Variants in DLGAP2 observed in about 807,000 individuals in gnomAD.
The protein encoded by DLGAP2 is disks large-associated protein 2.
DLGAP2 carries 26 observed loss-of-function variants against 100.3 expected under a neutral mutation model. The ratio of observed to expected loss-of-function variants is 0.26; its 90% CI spans 0.19 to 0.36. DLGAP2 has a LOEUF of 0.36. Ranked by LOEUF, DLGAP2 falls within the 10% of genes least tolerant of loss-of-function variation. DLGAP2 has a pLI of 1.00. For synonymous variants in DLGAP2, 886 were observed against 630.1 expected (o/e 1.41, Z -6.08); for missense variants, 1,858 against 1,453.2 (o/e 1.28, Z -4.53).
chr8:1,614,543 T>C (rs1224835164), intron 6 of DLGAP2, among the ~76,000 whole-genome samples: 1 of 152,166 alleles, frequency 6.6e-6, no homozygotes, highest in Non-Finnish European at 1.5e-5. Flanking sequence ...AAAACATGAC[T>C]TACCGGACGA....
intron 10 of DLGAP2, among the ~76,000 whole-genome samples, chr8:1,673,960 G>A (rs750992381): frequency 2.0e-5 from 3 of 152,144 alleles, no homozygotes; most frequent in Non-Finnish European, 2.9e-5. Flanking sequence ...CTCTATGCTT[G>A]TGCATGCCCC....
chr8:1,492,806 G>A (rs546970889), intron 3 of DLGAP2, among the ~76,000 whole-genome samples: 1 of 152,172 alleles, frequency 6.6e-6, no homozygotes, highest in African/African-American at 2.4e-5. Context: ...GGCCAATAAG[G>A]AGAAGGGCTG....
rs141736908 is a variant in DLGAP2 at position 1,131,350 on chromosome 8, G to C, written c.74-127501G>C. Among the ~76,000 whole-genome samples the C allele has an allele frequency of 1.4e-4, 22 of 152,254 alleles. No homozygotes were observed. The East Asian group carries it at 4.3e-3, about 30-fold the overall frequency. ...TCATGTATCTGTTCTGGATACTCCA[G>C]ATCCACGTGCCGGCAGGTGGGGTTC... On this transcript the variant is annotated intron_variant, in intron 2 of 14. Transcript: ENST00000637795.
chr8:865,599 C>G (rs994725518), intron 1 of DLGAP2, among the ~76,000 whole-genome samples: 1 of 152,214 alleles, frequency 6.6e-6, no homozygotes, highest in African/African-American at 2.4e-5. Flanking sequence ...TCACCTCTCT[C>G]CAGCATATGC....
At chr8:1,474,377 C>T (rs1428450086) in intron 3 of DLGAP2, among the ~76,000 whole-genome samples, 1 of 152,108 alleles carries the variant, frequency 6.6e-6, no homozygotes, top group Non-Finnish European at 1.5e-5. Context: ...CGACTTCTTT[C>T]CCTCTGGGTA....
At chr8:1,353,148 C>T (rs1585291150) in intron 3 of DLGAP2, among the ~76,000 whole-genome samples, 2 of 152,110 alleles carry the variant, frequency 1.3e-5, no homozygotes, top group East Asian at 1.9e-4. Flanking sequence ...CATTTGCTTC[C>T]CACACCCACG....
chr8:830,934 C>T (rs1796770366), intron 1 of DLGAP2, among the ~76,000 whole-genome samples: 2 of 147,470 alleles, frequency 1.4e-5, no homozygotes, highest in Non-Finnish European at 1.5e-5. Flanking sequence ...CTTGTTCTGT[C>T]ACCCAGGCTG....
chr8:1,528,144 C>A (rs1028151786), intron 4 of DLGAP2, among the ~76,000 whole-genome samples: 1 of 152,210 alleles, frequency 6.6e-6, no homozygotes, highest in Non-Finnish European at 1.5e-5. Flanking sequence ...TCGGACGCAG[C>A]GATACCTTTG....
At chr8:1,334,332 C>G (rs181218047) in intron 3 of DLGAP2, among the ~76,000 whole-genome samples, 1 of 152,334 alleles carries the variant, frequency 6.6e-6, no homozygotes, top group East Asian at 1.9e-4. Context: ...CCCAGCGTTC[C>G]TGGCGTCGGC....
At chr8:1,069,509 T>G (rs1283779957) in intron 2 of DLGAP2, among the ~76,000 whole-genome samples, 2 of 152,192 alleles carry the variant, frequency 1.3e-5, no homozygotes, top group African/African-American at 2.4e-5. Flanking sequence ...TTTGCTTTTT[T>G]GAGATAACGG....
At chr8:957,597 G>A (rs901940732) in intron 2 of DLGAP2, among the ~76,000 whole-genome samples, 2 of 152,054 alleles carry the variant, frequency 1.3e-5, no homozygotes, top group Non-Finnish European at 2.9e-5. Flanking sequence ...TATTTCAGAG[G>A]GATACGTTGT....
intron 2 of DLGAP2, among the ~76,000 whole-genome samples, chr8:1,205,241 G>C (rs1295984648): frequency 6.6e-6 from 1 of 152,180 alleles, no homozygotes; most frequent in African/African-American, 2.4e-5. Flanking sequence ...CTCTGCCTCA[G>C]TAAAGTGATA....
intron 6 of DLGAP2, among the ~76,000 whole-genome samples, chr8:1,595,925 G>C (rs1224127037): frequency 6.6e-6 from 1 of 151,556 alleles, no homozygotes; most frequent in East Asian, 1.9e-4. Flanking sequence ...ACAACGGGCA[G>C]GTTTGTTACA....
intron 3 of DLGAP2, among the ~76,000 whole-genome samples, chr8:1,314,543 C>T (rs984157571): frequency 2.0e-5 from 3 of 152,200 alleles, no homozygotes; most frequent in Admixed American, 2.0e-4. Flanking sequence ...CCGAGTTACC[C>T]TCCAGCCACC....
Position 1,585,492 on chromosome 8 carries a change from G to A in DLGAP2, c.1442+19598G>A, listed in dbSNP as rs145451856. Among the ~76,000 whole-genome samples the A allele has an allele frequency of 2.5e-3, 382 of 152,314 alleles. 3 individuals are homozygous for A. Among genetic ancestry groups the A allele is most frequent in the Non-Finnish European group, 4.1e-3 (281 of 68,018 alleles). ...TACTCCTTAGGGCTGTCAGTTCAGGGGGCTGTAGTGAGTGCTGTCTTTTAC... is the reference window on the plus strand; with the variant it reads ...TACTCCTTAGGGCTGTCAGTTCAGGAGGCTGTAGTGAGTGCTGTCTTTTAC... On this transcript the variant is annotated intron_variant, in intron 6 of 14. Transcript: ENST00000637795.
intron 2 of DLGAP2, among the ~76,000 whole-genome samples, chr8:1,154,894 G>A (rs1443838404): frequency 1.3e-5 from 2 of 152,216 alleles, no homozygotes; most frequent in Non-Finnish European, 2.9e-5. Flanking sequence ...CTACCTGGAC[G>A]CGCAGTGTCC....
Position 1,588,942 on chromosome 8 carries a change from C to G in DLGAP2, c.1442+23048C>G, listed in dbSNP as rs1024071663. 3.9e-5 allele frequency among the ~76,000 whole-genome samples: 6 copies of G among 152,046 alleles called. No individual in the cohort carries two copies. In the East Asian group the frequency reaches 7.7e-4, roughly 20 times the overall value. On this transcript the variant is annotated intron_variant, in intron 6 of 14. Transcript: ENST00000637795. ...ATCTCAAGTTTGGAGGGAAATCTGCCTTACTCAAAATCTGCCAATGTGAGC... is the reference window on the plus strand; with the variant it reads ...ATCTCAAGTTTGGAGGGAAATCTGCGTTACTCAAAATCTGCCAATGTGAGC...
Position 1,270,507 on chromosome 8 carries a change from G to A in DLGAP2, c.106+11624G>A, listed in dbSNP as rs530296950. Among the ~76,000 whole-genome samples, 57 of 152,162 alleles carry A rather than the reference G, an allele frequency of 3.7e-4. 1 individual carries two copies. The highest frequency in any genetic ancestry group is 3.7e-3 in the Admixed American group (57 of 15,280). On this transcript the variant is annotated intron_variant, in intron 3 of 14. Transcript: ENST00000637795. Reference sequence around the variant, plus strand: ...AAGATTGACTTTCCTCAGGAGAAATGCAGGCTCTAAGCCCAGCGGACAGAG... The same window carrying A: ...AAGATTGACTTTCCTCAGGAGAAATACAGGCTCTAAGCCCAGCGGACAGAG...
At chr8:1,199,572 A>G (rs1407358870) in intron 2 of DLGAP2, among the ~76,000 whole-genome samples, 4 of 152,316 alleles carry the variant, frequency 2.6e-5, no homozygotes, top group Non-Finnish European at 5.9e-5. Flanking sequence ...GGCTTCAGAA[A>G]AGTAATGACC....
Sources: gnomAD v4.1 joint callset for allele counts (sites outside exome capture counted in the v4.1 genomes callset) on GRCh38, gnomAD v4.1.1 for gene constraint, MANE v1.5 for transcripts, NCBI Gene and HGNC (gene_info 2026-07-23, HGNC 2026-07-21) for gene names.